ADNP: variants seen among roughly 807,000 people sequenced by gnomAD.
ADNP encodes activity-dependent neuroprotector homeobox protein.
Under a neutral mutation model 84.9 loss-of-function variants are expected in ADNP, and 4 were observed. The ratio of observed to expected loss-of-function variants is 0.05; its 90% CI spans 0.02 to 0.11. The LOEUF is 0.11. Among genes scored for constraint, ADNP ranks in the 10% least tolerant of loss-of-function variants. The pLI, the probability that ADNP is intolerant of heterozygous loss-of-function variation, is 1.00. For synonymous variants in ADNP, 554 were observed against 468.1 expected (o/e 1.18, Z -2.37); for missense variants, 1,132 against 1,326.0 (o/e 0.85, Z 2.27).
intron 5 of ADNP, among the ~76,000 whole-genome samples, chr20:50,898,271 C>T (rs940324695): frequency 1.3e-5 from 2 of 152,170 alleles, no homozygotes; most frequent in African/African-American, 2.4e-5. Context: ...TAATGAATAA[C>T]GATTCTTGAA....
chr20:50,910,081 A>G (rs1297645899), intron 2 of ADNP, among the ~76,000 whole-genome samples: 1 of 152,242 alleles, frequency 6.6e-6, no homozygotes, highest in Non-Finnish European at 1.5e-5. Context: ...GACACAGAAG[A>G]GAAAGTGAAT....
At position 50,913,152 on chromosome 20, in the gene ADNP, C is replaced by T. The variant is rs567333900; in HGVS notation, c.-89-8303G>A. Among the ~76,000 whole-genome samples the T allele has an allele frequency of 1.0e-4, 15 of 144,260 alleles. No homozygotes were observed. The East Asian group carries it at 3.1e-3, about 30-fold the overall frequency. The allele number at this position is 144,260 out of a possible 152,430, so 94.6% of individuals were successfully genotyped here. On this transcript the variant is annotated intron_variant, in intron 2 of 5. Coordinates refer to ENST00000621696, the MANE Select transcript of ADNP (RefSeq NM_001282531.3). ...CCTGTAATCCCAGCTATTTGGGAGG[C>T]TGAGGCCTGAGAATCGTTTGAACCT...
chr20:50,902,143 AGTG>A (rs760256855), intron 4 of ADNP, 34 bp from the exon 5 acceptor site: 4 of 1,498,430 alleles, frequency 2.7e-6, no homozygotes, highest in Non-Finnish European at 3.7e-6. Flanking sequence ...ACAAAAACAT[AGTG>A]GTATAAACGC....
rs982764643 is a variant in ADNP at position 50,904,073 on chromosome 20, AT to A, written c.-5-73del. On this transcript the variant is annotated intron_variant, in intron 3 of 5. Coordinates refer to ENST00000621696, the MANE Select transcript of ADNP (RefSeq NM_001282531.3). The stretch of plus-strand genomic sequence containing the variant: ...GTAATATTTACTAATTCCACTGATG[AT>A]AGGATCATAAAACCTACCCATCTGA... 24 of 1,195,860 alleles carry A rather than the reference AT, an allele frequency of 2.0e-5. No individual in the cohort carries two copies. In the Admixed American group the frequency reaches 4.4e-4, roughly 22 times the overall value. 74.1% of individuals were successfully genotyped at this position (1,195,860 alleles called of 1,614,324 possible).
chr20:50,900,560 A>G (rs977483921), intron 5 of ADNP, among the ~76,000 whole-genome samples: 4 of 152,220 alleles, frequency 2.6e-5, no homozygotes, highest in African/African-American at 9.6e-5. Flanking sequence ...CTATGATGTC[A>G]TAAGGTAGCA....
intron 2 of ADNP, among the ~76,000 whole-genome samples, chr20:50,921,940 T>C (rs558184851): frequency 6.6e-6 from 1 of 152,162 alleles, no homozygotes; most frequent in Non-Finnish European, 1.5e-5. Context: ...TAAACAGGTA[T>C]TGCAGCAAGG....
intron 2 of ADNP, among the ~76,000 whole-genome samples, chr20:50,908,167 T>G (rs1019102006): frequency 7.6e-4 from 85 of 111,906 alleles, no homozygotes; most frequent in African/African-American, 3.1e-3. Context: ...TTTTTTTTTT[T>G]GCTTTAAATA....
At chr20:50,919,262 C>A (rs1400630166) in intron 2 of ADNP, among the ~76,000 whole-genome samples, 1 of 136,884 alleles carries the variant, frequency 7.3e-6, no homozygotes, top group Non-Finnish European at 1.5e-5. Context: ...GAGTTCAAGA[C>A]CAGCCTGAAA....
chr20:50,912,565 C>T (rs1216692566), intron 2 of ADNP, among the ~76,000 whole-genome samples: 2 of 152,080 alleles, frequency 1.3e-5, no homozygotes, highest in Admixed American at 6.5e-5. Flanking sequence ...GGTTCCCTGC[C>T]CCCAAGTACC....
In ADNP at chr20:50,919,291, G is replaced by GTATATA. The variant is rs199569280; in HGVS notation, c.-90+9354_-90+9359dup. Reference sequence around the variant, plus strand: ...CCTGAAAAAATACATATATTTAAGTGTATATATATATATATATATATATAT... The same window carrying GTATATA: ...CCTGAAAAAATACATATATTTAAGTGTATATATATATATATATATATATATATATAT... On this transcript the variant is annotated intron_variant, in intron 2 of 5. Transcript: ENST00000621696. 2.8e-3 allele frequency among the ~76,000 whole-genome samples: 216 copies of GTATATA among 77,194 alleles called. 2 individuals carry two copies. Among genetic ancestry groups the GTATATA allele is most frequent in the South Asian group, 5.9e-3 (17 of 2,874 alleles). The allele number at this position is 77,194 out of a possible 152,430, so 50.6% of individuals were successfully genotyped here. A position where few individuals can be genotyped will look rare whatever the true frequency, so the allele number is the denominator to read the frequency against.
At chr20:50,895,418 T>C (rs933349234) in intron 5 of ADNP, among the ~76,000 whole-genome samples, 5 of 152,130 alleles carry the variant, frequency 3.3e-5, no homozygotes, top group African/African-American at 7.2e-5. Flanking sequence ...AAAAATACAA[T>C]GTAAAAGATA....
chr20:50,913,250 C>CA lies in ADNP; in HGVS notation c.-89-8402dup, dbSNP rs56911332. 3.7e-3 allele frequency among the ~76,000 whole-genome samples: 160 copies of CA among 42,900 alleles called. 43 individuals are homozygous for CA. The highest frequency in any genetic ancestry group is 6.6e-3 in the African/African-American group (82 of 12,494). The allele number at this position is 42,900 out of a possible 152,430, so 28.1% of individuals were successfully genotyped here. A position where few individuals can be genotyped will look rare whatever the true frequency, so the allele number is the denominator to read the frequency against. ...CCTGGGCAAGAGTGAGACTCTGTCT[C>CA]AAAAAAAAAAAAAAAAAAAAAAAAA... is the stretch of plus-strand genomic sequence containing the variant. On this transcript the variant is annotated intron_variant, in intron 2 of 5. Coordinates refer to ENST00000621696, the MANE Select transcript of ADNP (RefSeq NM_001282531.3).
chr20:50,903,998 G>C lies in ADNP; in HGVS notation c.-2C>G. On this transcript the variant is annotated 5_prime_UTR_variant, in exon 4 of 6. Coordinates refer to ENST00000621696, the MANE Select transcript of ADNP (RefSeq NM_001282531.3). ...ATTGTTGACAGGAAGTTGGAACATAGTTTCTATTGGAAAAAAAAATTTAAG... is the reference window on the plus strand; with the variant it reads ...ATTGTTGACAGGAAGTTGGAACATACTTTCTATTGGAAAAAAAAATTTAAG... 1 of 1,609,790 alleles carries C rather than the reference G, an allele frequency of 6.2e-7. No individual in the cohort carries two copies. Among genetic ancestry groups the C allele is most frequent in the Non-Finnish European group, 8.5e-7 (1 of 1,178,702 alleles).
chr20:50,925,952 T>C (rs906482184), intron 2 of ADNP, among the ~76,000 whole-genome samples: 3 of 152,130 alleles, frequency 2.0e-5, no homozygotes, highest in Admixed American at 2.0e-4. Flanking sequence ...AATACAAAAA[T>C]TAACCAAGCG....
chr20:50,917,588 G>C (rs1465651207), intron 2 of ADNP, among the ~76,000 whole-genome samples: 2 of 152,120 alleles, frequency 1.3e-5, no homozygotes, highest in Non-Finnish European at 2.9e-5. Flanking sequence ...ATGTTCTTCT[G>C]AAAGTCCCTT....
chr20:50,917,220 A>G (rs990161186), intron 2 of ADNP, among the ~76,000 whole-genome samples: 1 of 152,362 alleles, frequency 6.6e-6, no homozygotes, highest in Admixed American at 6.5e-5. Flanking sequence ...CCAGAACTTC[A>G]ATACCCAAGG....
intron 2 of ADNP, among the ~76,000 whole-genome samples, chr20:50,926,115 A>C (rs1176119375): frequency 6.6e-6 from 1 of 152,162 alleles, no homozygotes; most frequent in Non-Finnish European, 1.5e-5. Context: ...CAAACAAACA[A>C]CACACAAAAA....
chr20:50,891,026 T>G lies in ADNP; in HGVS notation c.*379A>C. 9.7e-7 allele frequency: 1 copy of G among 1,032,584 alleles called. No individual in the cohort carries two copies. Among genetic ancestry groups the G allele is most frequent in the Non-Finnish European group, 1.2e-6 (1 of 861,294 alleles). 64.0% of individuals were successfully genotyped at this position (1,032,584 alleles called of 1,614,324 possible). Reference sequence around the variant, plus strand: ...AAGTCTACTATACACATTAGACTGGTAGCTTGTATGTTGGCCCTACACTAC... The same window carrying G: ...AAGTCTACTATACACATTAGACTGGGAGCTTGTATGTTGGCCCTACACTAC... On this transcript the variant is annotated 3_prime_UTR_variant, in exon 6 of 6. Coordinates refer to ENST00000621696, the MANE Select transcript of ADNP (RefSeq NM_001282531.3).
intron 5 of ADNP, among the ~76,000 whole-genome samples, chr20:50,899,148 C>T (rs986840413): frequency 2.0e-5 from 3 of 151,180 alleles, no homozygotes; most frequent in African/African-American, 4.9e-5. Flanking sequence ...TATGCAGGTT[C>T]TCCAGGGCCA....
Sources: gnomAD v4.1 joint callset for allele counts (sites outside exome capture counted in the v4.1 genomes callset) on GRCh38, gnomAD v4.1.1 for gene constraint, MANE v1.5 for transcripts, NCBI Gene and HGNC (gene_info 2026-07-23, HGNC 2026-07-21) for gene names.